SNX29: variants seen among roughly 807,000 people sequenced by gnomAD.
SNX29 encodes the protein sorting nexin 29.
Under a neutral mutation model 102.1 loss-of-function variants are expected in SNX29, and 78 were observed. That is an observed-to-expected ratio of 0.76 (90% CI 0.64 to 0.92). The LOEUF is 0.92. Ranked by LOEUF, SNX29 falls within the 40% of genes least tolerant of loss-of-function variation. The pLI is 0.00. For missense variants in SNX29, 1,280 were observed against 1,061.7 expected (o/e 1.21, Z -2.86); for synonymous variants, 580 against 414.5 (o/e 1.40, Z -4.85).
intron 19 of SNX29, among the ~76,000 whole-genome samples, chr16:12,501,540 G>A (rs2089122874): frequency 6.6e-6 from 1 of 152,068 alleles, no homozygotes; most frequent in Non-Finnish European, 1.5e-5. Flanking sequence ...TGGCCAACGT[G>A]AGGAAACGTC....
intron 20 of SNX29, among the ~76,000 whole-genome samples, chr16:12,548,571 C>A (rs2077757819): frequency 6.6e-6 from 1 of 152,174 alleles, no homozygotes; most frequent in Non-Finnish European, 1.5e-5. Flanking sequence ...ATGATGCTGG[C>A]TTCCCTGTAA....
At position 12,360,670 on chromosome 16, in the gene SNX29, G is replaced by A. The variant is rs2082275795; in HGVS notation, c.1899+4391G>A. On this transcript the variant is annotated intron_variant, in intron 16 of 20. Coordinates refer to ENST00000566228, the MANE Select transcript of SNX29 (RefSeq NM_032167.5). ...CCCCCCACCCCCTACCGTATTGAAA[G>A]CCTAATAGTGCAGTCCCTGACTGAG... Among the ~76,000 whole-genome samples, 4 of 143,732 alleles carry A rather than the reference G, an allele frequency of 2.8e-5. No individual in the cohort carries two copies. In the Admixed American group the frequency reaches 2.9e-4, roughly 11 times the overall value. The allele number at this position is 143,732 out of a possible 152,430, so 94.3% of individuals were successfully genotyped here.
chr16:12,148,771 C>T (rs997175650), intron 13 of SNX29, among the ~76,000 whole-genome samples: 11 of 152,126 alleles, frequency 7.2e-5, no homozygotes, highest in African/African-American at 2.7e-4. Context: ...GATCTTGGCT[C>T]ACCGCAACCT....
At chr16:12,110,150 A>G (rs962987479) in intron 11 of SNX29, among the ~76,000 whole-genome samples, 1 of 152,190 alleles carries the variant, frequency 6.6e-6, no homozygotes, top group African/African-American at 2.4e-5. Flanking sequence ...GAGGTGTTTC[A>G]GAACTGCAGC....
chr16:12,463,031 C>T (rs1271291915), intron 18 of SNX29, among the ~76,000 whole-genome samples: 3 of 152,222 alleles, frequency 2.0e-5, no homozygotes, highest in African/African-American at 7.2e-5. Context: ...GGAGCTGCCT[C>T]ACGTGGACTC....
chr16:12,554,476 G>A (rs983531290), intron 20 of SNX29, among the ~76,000 whole-genome samples: 7 of 152,212 alleles, frequency 4.6e-5, no homozygotes, highest in South Asian at 2.1e-4. Context: ...CCTGCACATA[G>A]GCATGGAGTG....
chr16:12,132,468 T>C (rs957728396), intron 13 of SNX29, among the ~76,000 whole-genome samples: 15 of 152,148 alleles, frequency 9.9e-5, no homozygotes, highest in African/African-American at 3.6e-4. Context: ...TACTTGCAAA[T>C]TGTGTGTTTC....
At chr16:12,271,559 G>T (rs985704601) in intron 14 of SNX29, among the ~76,000 whole-genome samples, 4 of 152,060 alleles carry the variant, frequency 2.6e-5, no homozygotes, top group African/African-American at 9.7e-5. Flanking sequence ...GATTATATAA[G>T]AATGTGAATA....
rs2079177202 is a variant in SNX29, at chr16:12,571,057, A to C, written c.*2428A>C. 8.6e-6 allele frequency: 2 copies of C among 232,540 alleles called. No individual in the cohort carries two copies. The highest frequency in any genetic ancestry group is 1.7e-5 in the Non-Finnish European group (2 of 117,602). 14.4% of individuals were successfully genotyped at this position (232,540 alleles called of 1,614,324 possible). On this transcript the variant is annotated 3_prime_UTR_variant, in exon 21 of 21. Transcript: ENST00000566228. ...ATCTCCTCTCATTCTCACTCTAAAAATGCTGGTGGCCCGCACATGACAGCA... is the reference window on the plus strand; with the variant it reads ...ATCTCCTCTCATTCTCACTCTAAAACTGCTGGTGGCCCGCACATGACAGCA...
chr16:12,196,578 G>A (rs1254593418), intron 13 of SNX29, among the ~76,000 whole-genome samples: 1 of 151,462 alleles, frequency 6.6e-6, no homozygotes, highest in African/African-American at 2.4e-5. Flanking sequence ...CTCTGCCACA[G>A]TCCACATTGG....
intron 20 of SNX29, among the ~76,000 whole-genome samples, chr16:12,545,298 A>C (rs756331774): frequency 1.3e-5 from 2 of 152,124 alleles, no homozygotes; most frequent in Non-Finnish European, 2.9e-5. Flanking sequence ...CGCCCTCTTT[A>C]CATCTGGAAG....
At chr16:12,557,899 G>A (rs1252203360) in intron 20 of SNX29, among the ~76,000 whole-genome samples, 1 of 152,188 alleles carries the variant, frequency 6.6e-6, no homozygotes, top group East Asian at 1.9e-4. Context: ...GGCAACTGGA[G>A]GATTCTCAAG....
Position 12,273,559 on chromosome 16 carries a change from A to G in SNX29, c.1679-4374A>G, listed in dbSNP as rs187758316. 2.5e-3 allele frequency among the ~76,000 whole-genome samples: 387 copies of G among 152,090 alleles called. 3 individuals are homozygous for G. Among genetic ancestry groups the G allele is most frequent in the African/African-American group, 9.1e-3 (379 of 41,496 alleles). ...TTTTTAGTAGAGACAGGGTTTCACC[A>G]TGTTGGCCAGCTGGTCTCGAACACT... On this transcript the variant is annotated intron_variant, in intron 14 of 20. Transcript: ENST00000566228.
At chr16:12,162,944 C>T (rs990340595) in intron 13 of SNX29, among the ~76,000 whole-genome samples, 12 of 152,132 alleles carry the variant, frequency 7.9e-5, no homozygotes, top group East Asian at 5.8e-4. Flanking sequence ...TGCAGTGGTA[C>T]GCTCTTGGCT....
intron 11 of SNX29, among the ~76,000 whole-genome samples, chr16:12,120,303 G>C (rs576753086): frequency 6.6e-6 from 1 of 152,354 alleles, no homozygotes; most frequent in South Asian, 2.1e-4. Context: ...AAAGATAGCT[G>C]AGTATGGGCC....
rs1000973979 is a variant in SNX29, at chr16:12,078,784, T to G, written c.1320-49T>G. The stretch of plus-strand genomic sequence containing the variant: ...GCTAGTTTTTGGAATGGTGAGGGTG[T>G]GTACTTTCAGTGGCCGAGTGTAACT... On this transcript the variant is annotated intron_variant, in intron 10 of 20. Transcript: ENST00000566228. 3 of 1,499,832 alleles carry G rather than the reference T, an allele frequency of 2.0e-6. No homozygotes were observed. In the South Asian group the frequency reaches 3.6e-5, roughly 18 times the overall value. 92.9% of individuals were successfully genotyped at this position (1,499,832 alleles called of 1,614,324 possible).
At chr16:12,472,304 T>G (rs546642117) in intron 18 of SNX29, among the ~76,000 whole-genome samples, 1 of 152,216 alleles carries the variant, frequency 6.6e-6, no homozygotes, top group South Asian at 2.1e-4. Flanking sequence ...GTAGATCACC[T>G]GAGGCCAGGA....
intron 13 of SNX29, among the ~76,000 whole-genome samples, chr16:12,155,022 C>A (rs61502801): frequency 6.6e-6 from 1 of 152,124 alleles, no homozygotes; most frequent in Non-Finnish European, 1.5e-5. Context: ...AAGAATGTCA[C>A]GGGAACAAGG....
chr16:12,334,901 CTTTTT>C (rs36176543), intron 15 of SNX29, among the ~76,000 whole-genome samples: 2 of 93,608 alleles, frequency 2.1e-5, no homozygotes, highest in African/African-American at 7.7e-5. Context: ...GCCCCAGAGC[CTTTTT>C]TTTTTTTTTT....
Sources: allele counts gnomAD v4.1 joint callset (sites outside exome capture counted in the v4.1 genomes callset), GRCh38; gene constraint gnomAD v4.1.1; transcripts MANE v1.5; gene names NCBI Gene and HGNC (gene_info 2026-07-23, HGNC 2026-07-21).